NKAIN2: variants seen among roughly 807,000 people sequenced by gnomAD.
The protein encoded by NKAIN2 is sodium/potassium transporting ATPase interacting 2.
In NKAIN2, 14 loss-of-function variants were observed where a neutral mutation model predicts 32.6. The observed-to-expected ratio is 0.43, with a 90% CI of 0.28 to 0.67. NKAIN2 has a LOEUF of 0.67. Among genes scored for constraint, NKAIN2 ranks in the 30% least tolerant of loss-of-function variants. The pLI is 0.17. For synonymous variants in NKAIN2, 80 were observed against 87.2 expected, an observed-to-expected ratio of 0.92 and a Z score of 0.46; for missense variants, 198 against 258.3, an observed-to-expected ratio of 0.77 and a Z score of 1.60.
intron 3 of NKAIN2, among the ~76,000 whole-genome samples, chr6:124,554,307 C>T (rs973283022): frequency 1.3e-5 from 2 of 152,158 alleles, no homozygotes; most frequent in Admixed American, 1.3e-4. Context: ...TTTCTGCTGC[C>T]AGTGTGGGGG....
intron 6 of NKAIN2, among the ~76,000 whole-genome samples, chr6:124,820,734 T>C (rs1781360144): frequency 6.6e-6 from 1 of 152,188 alleles, no homozygotes; most frequent in South Asian, 2.1e-4. Flanking sequence ...CTCTGCCTCC[T>C]GTCTGATAAG....
At chr6:124,339,158 TG>T (rs1169056880) in intron 2 of NKAIN2, among the ~76,000 whole-genome samples, 1 of 152,078 alleles carries the variant, frequency 6.6e-6, no homozygotes, top group Non-Finnish European at 1.5e-5. Flanking sequence ...CTGGCCAACA[TG>T]GTGAAACCCT....
Position 124,448,746 on chromosome 6 carries a change from G to A in NKAIN2, c.273+93399G>A, listed in dbSNP as rs9385334. Among the ~76,000 whole-genome samples, 8 of 152,252 alleles carry A rather than the reference G, an allele frequency of 5.3e-5. No individual in the cohort carries two copies. The East Asian group carries it at 1.5e-3, about 29-fold the overall frequency. On this transcript the variant is annotated intron_variant, in intron 3 of 6. Coordinates refer to ENST00000368417, the MANE Select transcript of NKAIN2 (RefSeq NM_001040214.3). ...AAACATGAATTCTGGGAACAGGAAT[G>A]GAGCTTCTAAGCATAGATTCTAACC...
At chr6:123,873,380 A>G (rs1773000537) in intron 1 of NKAIN2, among the ~76,000 whole-genome samples, 1 of 152,164 alleles carries the variant, frequency 6.6e-6, no homozygotes, top group South Asian at 2.1e-4. Flanking sequence ...AAAAGAAAAG[A>G]TGAGGTTCAA....
intron 3 of NKAIN2, among the ~76,000 whole-genome samples, chr6:124,410,755 A>C (rs1046618449): frequency 2.2e-4 from 33 of 152,122 alleles, no homozygotes; most frequent in Non-Finnish European, 3.8e-4. Flanking sequence ...TATCCTTGTT[A>C]ACTTTCTGTC....
At chr6:123,941,009 T>A (rs755802291) in intron 1 of NKAIN2, among the ~76,000 whole-genome samples, 1 of 151,998 alleles carries the variant, frequency 6.6e-6, no homozygotes, top group Non-Finnish European at 1.5e-5. Flanking sequence ...GTCCTTAATT[T>A]ATAAGCGTTT....
At chr6:123,998,545 C>T (rs964888746) in intron 1 of NKAIN2, among the ~76,000 whole-genome samples, 2 of 151,904 alleles carry the variant, frequency 1.3e-5, no homozygotes, top group African/African-American at 4.8e-5. Flanking sequence ...AATCTGGATC[C>T]TAAAATCAAG....
At chr6:124,008,454 A>G (rs1357845473) in intron 1 of NKAIN2, among the ~76,000 whole-genome samples, 1 of 151,584 alleles carries the variant, frequency 6.6e-6, no homozygotes, top group East Asian at 2.0e-4. Context: ...TGCAAGTGCT[A>G]TGCATCTTTT....
At chr6:124,430,828 C>T (rs1326349308) in intron 3 of NKAIN2, among the ~76,000 whole-genome samples, 1 of 151,994 alleles carries the variant, frequency 6.6e-6, no homozygotes, top group Non-Finnish European at 1.5e-5. Context: ...CTTTTAAAAC[C>T]ATCATATACA....
intron 1 of NKAIN2, among the ~76,000 whole-genome samples, chr6:124,265,439 T>C (rs1794450872): frequency 6.6e-6 from 1 of 152,188 alleles, no homozygotes; most frequent in African/African-American, 2.4e-5. Flanking sequence ...CACATACCAT[T>C]GTTGTAAAAT....
chr6:124,620,672 T>G (rs111351150), intron 3 of NKAIN2, among the ~76,000 whole-genome samples: 30 of 152,330 alleles, frequency 2.0e-4, no homozygotes, highest in Middle Eastern at 6.8e-3. Flanking sequence ...CACTGTCCGT[T>G]GGCCTGTCTC....
intron 2 of NKAIN2, among the ~76,000 whole-genome samples, chr6:124,318,168 T>C (rs1276777479): frequency 6.6e-6 from 1 of 152,088 alleles, no homozygotes; most frequent in Non-Finnish European, 1.5e-5. Context: ...TGAGCAATAC[T>C]TTACTTCTTT....
At chr6:124,434,163 A>G (rs1464339410) in intron 3 of NKAIN2, among the ~76,000 whole-genome samples, 2 of 152,172 alleles carry the variant, frequency 1.3e-5, no homozygotes, top group Non-Finnish European at 1.5e-5. Flanking sequence ...TGGACTCAGC[A>G]TAGGCCTAGC....
chr6:123,913,639 G>C (rs1034536915), intron 1 of NKAIN2, among the ~76,000 whole-genome samples: 1 of 152,116 alleles, frequency 6.6e-6, no homozygotes, highest in African/African-American at 2.4e-5. Flanking sequence ...TTAGGGCTAA[G>C]TATGGTCTCT....
At chr6:124,155,914 A>G (rs1787961695) in intron 1 of NKAIN2, among the ~76,000 whole-genome samples, 1 of 151,798 alleles carries the variant, frequency 6.6e-6, no homozygotes, top group African/African-American at 2.4e-5. Flanking sequence ...ATAGGGCTAT[A>G]GTAACAACGG....
At chr6:124,120,143 G>C (rs1785808364) in intron 1 of NKAIN2, among the ~76,000 whole-genome samples, 1 of 152,098 alleles carries the variant, frequency 6.6e-6, no homozygotes, top group African/African-American at 2.4e-5. Context: ...TCCAAGATAA[G>C]AGTACACCAT....
At chr6:124,243,597 C>G (rs1221460875) in intron 1 of NKAIN2, among the ~76,000 whole-genome samples, 1 of 151,926 alleles carries the variant, frequency 6.6e-6, no homozygotes, top group Non-Finnish European at 1.5e-5. Flanking sequence ...TATGGATCTT[C>G]AAATCACCAA....
intron 1 of NKAIN2, among the ~76,000 whole-genome samples, chr6:123,995,392 G>T (rs1039933693): frequency 2.0e-5 from 3 of 152,130 alleles, no homozygotes; most frequent in Non-Finnish European, 4.4e-5. Context: ...ACTTGCACAT[G>T]CTTTAAGTAA....
intron 1 of NKAIN2, among the ~76,000 whole-genome samples, chr6:124,019,110 T>G (rs984430922): frequency 6.6e-6 from 1 of 152,096 alleles, no homozygotes; most frequent in South Asian, 2.1e-4. Flanking sequence ...ATGACACTTA[T>G]TCACTATCAT....
Sources: gnomAD v4.1 joint callset for allele counts (sites outside exome capture counted in the v4.1 genomes callset) on GRCh38, gnomAD v4.1.1 for gene constraint, MANE v1.5 for transcripts, NCBI Gene and HGNC (gene_info 2026-07-23, HGNC 2026-07-21) for gene names.